CDKL2: variants seen among roughly 807,000 people sequenced by gnomAD.
The protein encoded by CDKL2 is cyclin dependent kinase like 2, also known as cyclin-dependent kinase-like 2.
In CDKL2, 64 loss-of-function variants were observed where a neutral mutation model predicts 63.9. That is an observed-to-expected ratio of 1.00 (90% CI 0.82 to 1.23). The LOEUF is 1.23. Ranked by LOEUF, CDKL2 falls within the 50% of genes most tolerant of loss-of-function variation. The pLI is 0.00. For synonymous variants in CDKL2, 211 were observed against 229.2 expected, an observed-to-expected ratio of 0.92 and a Z score of 0.72; for missense variants, 656 against 668.0, an observed-to-expected ratio of 0.98 and a Z score of 0.20.
chr4:75,606,455 C>G (rs62320987), intron 4 of CDKL2, among the ~76,000 whole-genome samples: 37,726 of 152,096 alleles, frequency 0.25, 4,974 homozygotes, highest in Middle Eastern at 0.36. Flanking sequence ...CCTCATGATC[C>G]TCCCGCCTGG....
chr4:75,607,324 AC>A lies in CDKL2; in HGVS notation c.400del (p.Val134SerfsTer59). 6.2e-7 allele frequency: 1 copy of A among 1,614,016 alleles called. No individual in the cohort carries two copies. Among genetic ancestry groups the A allele is most frequent in the Non-Finnish European group, 8.5e-7 (1 of 1,179,904 alleles). On this transcript the variant is annotated frameshift_variant, in exon 4 of 14. Transcript: ENST00000307465. LOFTEE classifies it high-confidence loss of function. ...TAGCTTGACAACGCCAGACTGGGAG[AC>A]TAATATATTCTCTGGCTTTATATCT... ...HRDIKPENIL[V>X]SQSGVVKLCD...
At chr4:75,628,697 C>A (rs974456781) in intron 1 of CDKL2, among the ~76,000 whole-genome samples, 3 of 152,190 alleles carry the variant, frequency 2.0e-5, no homozygotes, top group African/African-American at 7.2e-5. Context: ...CTAAAATTTA[C>A]TCAGATCGTG....
rs1452518103 is a variant in CDKL2, at chr4:75,591,963, G to C, written c.1541-38C>G. 8 of 1,480,918 alleles carry C rather than the reference G, an allele frequency of 5.4e-6. No homozygotes were observed. The South Asian group carries it at 9.7e-5, about 18-fold the overall frequency. The allele number at this position is 1,480,918 out of a possible 1,614,324, so 91.7% of individuals were successfully genotyped here. ...GACCATAAACACAGTGAAAATATTA[G>C]ACATTTTGTTAGTTTTTAGTTTTTC... On this transcript the variant is annotated intron_variant, in intron 11 of 13. Transcript: ENST00000307465.
At chr4:75,592,010 G>T in intron 11 of CDKL2, 85 bp from the exon 12 acceptor site, 1 of 1,299,344 alleles carries the variant, frequency 7.7e-7, no homozygotes. Flanking sequence ...GTGTTCCTCA[G>T]TATGTACTTA....
intron 3 of CDKL2, among the ~76,000 whole-genome samples, chr4:75,613,983 G>A (rs909198709): frequency 2.0e-5 from 3 of 152,136 alleles, no homozygotes; most frequent in African/African-American, 7.2e-5. Flanking sequence ...CTTGAACCTG[G>A]GGGGCAGAGG....
At position 75,586,319 on chromosome 4, in the gene CDKL2, A is replaced by G. The variant is rs563959184; in HGVS notation, c.1648-4421T>C. Among the ~76,000 whole-genome samples the G allele has an allele frequency of 8.2e-4, 124 of 151,256 alleles. 3 individuals are homozygous for G. In the South Asian group the frequency reaches 0.025, roughly 30 times the overall value. Reference sequence around the variant, plus strand: ...TGGCTCACTGCAAGCTCTGCCTCCCAGGTTCACATCAATCTCCTGCCTCAG... The same window carrying G: ...TGGCTCACTGCAAGCTCTGCCTCCCGGGTTCACATCAATCTCCTGCCTCAG... On this transcript the variant is annotated intron_variant, in intron 12 of 13. Coordinates refer to ENST00000307465, the MANE Select transcript of CDKL2 (RefSeq NM_001330724.2).
At chr4:75,594,341 G>A (rs1161397729) in intron 10 of CDKL2, among the ~76,000 whole-genome samples, 8 of 152,042 alleles carry the variant, frequency 5.3e-5, no homozygotes, top group African/African-American at 1.9e-4. Context: ...CCAGCTACTC[G>A]GGAGGTTGAG....
chr4:75,584,852 C>G (rs544705810), intron 12 of CDKL2, among the ~76,000 whole-genome samples: 1 of 152,268 alleles, frequency 6.6e-6, no homozygotes, highest in South Asian at 2.1e-4. Context: ...ATTTCTGGAA[C>G]TTTCCACTAA....
chr4:75,584,601 A>G (rs1221341705), intron 12 of CDKL2, among the ~76,000 whole-genome samples: 4 of 152,318 alleles, frequency 2.6e-5, no homozygotes, highest in African/African-American at 9.6e-5. Context: ...CATGAGGGAT[A>G]TGTTCCAAGG....
At chr4:75,626,096 T>C in intron 1 of CDKL2, 79 bp from the exon 2 acceptor site, 3 of 890,828 alleles carry the variant, frequency 3.4e-6, no homozygotes, top group Middle Eastern at 2.5e-4. Flanking sequence ...AATTCTTCCC[T>C]GCTTGTTTTC....
chr4:75,616,029 G>A (rs1729911725), intron 2 of CDKL2, among the ~76,000 whole-genome samples: 1 of 151,996 alleles, frequency 6.6e-6, no homozygotes, highest in South Asian at 2.1e-4. Context: ...AAACACTAAA[G>A]TAAATAAGAT....
In CDKL2 at chr4:75,603,940, C is replaced by T. The variant is rs1230365549; in HGVS notation, c.672G>A (p.Arg224=). 6.2e-7 allele frequency: 1 copy of T among 1,607,312 alleles called. No individual in the cohort carries two copies. The highest frequency in any genetic ancestry group is 1.7e-5 in the Admixed American group (1 of 57,714). ...GATTTTTATTAAAAAGCTCCTGATG[C>T]CTTGGAATTAGATTACCTGGAAGTG... ...IMMCLGNLIP[R]HQELFNKNPV... Residue 224 remains arginine, a synonymous_variant, in exon 6 of 14, where the codon AGG becomes AGA. Coordinates refer to ENST00000307465, the MANE Select transcript of CDKL2 (RefSeq NM_001330724.2).
rs185116710 is a variant in CDKL2, at chr4:75,609,447, A to G, written c.364-2086T>C. 1.2e-3 allele frequency among the ~76,000 whole-genome samples: 189 copies of G among 151,784 alleles called. 1 individual carries two copies. Among genetic ancestry groups the G allele is most frequent in the Non-Finnish European group, 2.5e-3 (168 of 67,932 alleles). ...TGGTGAAACCCCGTCCCTAGTCAAA[A>G]TACAAAAATTAGCCAGGCACTATGG... On this transcript the variant is annotated intron_variant, in intron 3 of 13. Coordinates refer to ENST00000307465, the MANE Select transcript of CDKL2 (RefSeq NM_001330724.2).
chr4:75,597,150 G>A lies in CDKL2; in HGVS notation c.1107C>T (p.Gly369=). The change falls in exon 9 of 14, where the codon GGC becomes GGT. Residue 369 remains glycine (G), a synonymous_variant. Coordinates refer to ENST00000307465, the MANE Select transcript of CDKL2 (RefSeq NM_001330724.2). ...GACAGCTGGCATTTGAAGCTCTATT[G>A]CCTTTTTCAGCTTTTTCTCCATCAA... ...SKIDGEKAEK[G]NRASNASCLH... is the part of the protein sequence containing the mutation. 2 of 1,613,570 alleles carry A rather than the reference G, an allele frequency of 1.2e-6. No homozygotes were observed. The highest frequency in any genetic ancestry group is 1.1e-5 in the South Asian group (1 of 91,068).
chr4:75,608,720 G>A (rs181422033), intron 3 of CDKL2, among the ~76,000 whole-genome samples: 1 of 152,162 alleles, frequency 6.6e-6, no homozygotes, highest in Non-Finnish European at 1.5e-5. Flanking sequence ...TAGGCCGCAC[G>A]CAGTGGCTCA....
chr4:75,581,424 C>T (rs1728255878), intron 13 of CDKL2, among the ~76,000 whole-genome samples: 1 of 152,252 alleles, frequency 6.6e-6, no homozygotes, highest in African/African-American at 2.4e-5. Flanking sequence ...AGTGAAATCA[C>T]CTAAGGATGC....
intron 2 of CDKL2, among the ~76,000 whole-genome samples, chr4:75,618,927 A>G (rs879542791): frequency 7.2e-5 from 11 of 152,250 alleles, no homozygotes; most frequent in Non-Finnish European, 2.9e-5. Context: ...AGCCTTGAAC[A>G]TGGATTCACA....
At chr4:75,599,889 T>G (rs1279496393) in intron 7 of CDKL2, among the ~76,000 whole-genome samples, 1 of 152,174 alleles carries the variant, frequency 6.6e-6, no homozygotes, top group Non-Finnish European at 1.5e-5. Flanking sequence ...ACATCAGCAG[T>G]GTCAGCAGTA....
At chr4:75,623,506 T>C (rs1578355238) in intron 2 of CDKL2, among the ~76,000 whole-genome samples, 1 of 152,328 alleles carries the variant, frequency 6.6e-6, no homozygotes, top group East Asian at 1.9e-4. Flanking sequence ...AACACCATTA[T>C]TAAGATCAAG....
Sources: allele counts gnomAD v4.1 joint callset (sites outside exome capture counted in the v4.1 genomes callset), GRCh38; gene constraint gnomAD v4.1.1; transcripts MANE v1.5; gene names NCBI Gene and HGNC (gene_info 2026-07-23, HGNC 2026-07-21).